Variants in PCDHGA3 observed in about 807,000 individuals in gnomAD.
PCDHGA3 encodes protocadherin gamma subfamily A, 3.
Under a neutral mutation model 58.5 loss-of-function variants are expected in PCDHGA3, and 40 were observed. The observed-to-expected ratio is 0.68, with a 90% confidence interval of 0.53 to 0.89. The LOEUF (loss-of-function observed/expected upper bound fraction) is 0.89. Among genes scored for constraint, PCDHGA3 ranks in the 40% least tolerant of loss-of-function variants. The probability of loss-of-function intolerance (pLI) is 0.00; values close to 1 mark genes in which losing one functional copy is unlikely to be tolerated. For missense variants in PCDHGA3, 1,223 were observed against 1,195.9 expected (o/e 1.02, Z -0.33); for synonymous variants, 530 against 525.7 (o/e 1.01, Z -0.11).
chr5:141,501,333 A>ACACACACC (rs1186649373), intron 2 of PCDHGA3, among the ~76,000 whole-genome samples: 1 of 140,020 alleles, frequency 7.1e-6, no homozygotes, highest in African/African-American at 2.6e-5. Context: ...ACACACACAC[A>ACACACACC]CCCCAAACTC....
chr5:141,500,497 C>T (rs1214550546), intron 2 of PCDHGA3, among the ~76,000 whole-genome samples: 1 of 152,174 alleles, frequency 6.6e-6, no homozygotes, highest in Non-Finnish European at 1.5e-5. Context: ...GCGTGAGCCA[C>T]CGCGCCTGGC....
intron 1 of PCDHGA3, chr5:141,417,612 T>C: frequency 1.6e-6 from 1 of 617,852 alleles, no homozygotes; most frequent in Non-Finnish European, 2.6e-6. Flanking sequence ...CGTCGGCCAG[T>C]GCAGAGCAAG....
chr5:141,447,058 G>A (rs1356080567), intron 1 of PCDHGA3, among the ~76,000 whole-genome samples: 1 of 152,068 alleles, frequency 6.6e-6, no homozygotes, highest in Non-Finnish European at 1.5e-5. Flanking sequence ...ATTAAAATGT[G>A]TCAGGCTGTT....
Position 141,345,153 on chromosome 5 carries a change from C to T in PCDHGA3, c.1120C>T (p.Arg374Ter). The T allele has an allele frequency of 6.2e-7, 1 of 1,613,942 alleles. No individual in the cohort carries two copies. Among genetic ancestry groups the T allele is most frequent in the Non-Finnish European group, 8.5e-7 (1 of 1,179,880 alleles). The change falls in exon 1 of 4, where the codon CGA becomes TGA. Residue 374 changes from arginine (R) to a stop codon, truncating the protein, a stop_gained. Transcript: ENST00000253812. LOFTEE classifies it high-confidence loss of function. ...REIALIDVHD[R>*]DSGQNGQVEV... is the part of the protein sequence containing the mutation. ...AATTGCTCTTATCGACGTGCATGACCGAGATTCTGGGCAGAATGGGCAGGT... is the reference window on the plus strand; with the variant it reads ...AATTGCTCTTATCGACGTGCATGACTGAGATTCTGGGCAGAATGGGCAGGT...
chr5:141,404,651 C>T, intron 1 of PCDHGA3: 2 of 1,614,184 alleles, frequency 1.2e-6, no homozygotes, highest in Non-Finnish European at 1.7e-6. Flanking sequence ...GTACCCTGCC[C>T]TCCCCACTGA....
intron 1 of PCDHGA3, chr5:141,352,417 T>G: frequency 6.2e-7 from 1 of 1,614,054 alleles, no homozygotes; most frequent in Non-Finnish European, 8.5e-7. Context: ...GCCTCGACAC[T>G]GAGGGCTGCT....
At chr5:141,390,423 C>A in intron 1 of PCDHGA3, 1 of 1,058,544 alleles carries the variant, frequency 9.4e-7, no homozygotes, top group Non-Finnish European at 1.3e-6. Context: ...AGTTAAAAAG[C>A]TGTCATATCA....
At chr5:141,349,850 G>GA (rs374639871) in intron 1 of PCDHGA3, among the ~76,000 whole-genome samples, 7 of 151,924 alleles carry the variant, frequency 4.6e-5, no homozygotes, top group Non-Finnish European at 1.0e-4. Flanking sequence ...TTTTTTAAAT[G>GA]AAAAAAGAAT....
Position 141,493,836 on chromosome 5 carries a change from A to G in PCDHGA3, c.2425-971A>G, listed in dbSNP as rs1411929024. Among the ~76,000 whole-genome samples the G allele has an allele frequency of 6.6e-6, 1 of 152,194 alleles. No individual in the cohort carries two copies. Among genetic ancestry groups the G allele is most frequent in the Non-Finnish European group, 1.5e-5 (1 of 68,038 alleles). On this transcript the variant is annotated intron_variant, in intron 1 of 3. Transcript: ENST00000253812. This position sits in a 1 kb window ranked among gnomAD's most constrained non-coding sequence, Gnocchi z 4.3. ...ACACTCTCTGCTTCTGGGAGCAAGT[A>G]TGAGTATTAATTACCAGCCCACCCC...
At position 141,430,895 on chromosome 5, in the gene PCDHGA3, G is replaced by A. The variant is rs775296800; in HGVS notation, c.2425-63912G>A. 6.9e-6 allele frequency: 11 copies of A among 1,605,692 alleles called. No individual in the cohort carries two copies. The Admixed American group carries it at 1.0e-4, about 15-fold the overall frequency. ...AGAGCTGGAGAAAGGCTCTAGGGTG[G>A]GCGACATCTCCAGGGACCTGGGGCT... On this transcript the variant is annotated intron_variant, in intron 1 of 3. Coordinates refer to ENST00000253812, the MANE Select transcript of PCDHGA3 (RefSeq NM_018916.4).
chr5:141,370,114 A>G (rs768527026), intron 1 of PCDHGA3: 72 of 376,222 alleles, frequency 1.9e-4, no homozygotes, highest in Non-Finnish European at 2.7e-4. Flanking sequence ...TCTCCTAACT[A>G]GCTCCTTATT....
intron 1 of PCDHGA3, among the ~76,000 whole-genome samples, chr5:141,381,033 C>G (rs191532708): frequency 2.0e-4 from 30 of 152,324 alleles, no homozygotes; most frequent in African/African-American, 7.2e-4. Flanking sequence ...TTCCTTTAAA[C>G]AAAATTTATC....
intron 1 of PCDHGA3, chr5:141,400,330 G>A (rs2094004189): frequency 6.2e-7 from 1 of 1,614,082 alleles, no homozygotes; most frequent in Admixed American, 1.7e-5. Flanking sequence ...TGGACCTGTG[G>A]TTCCCCCCAA....
intron 3 of PCDHGA3, 125 bp downstream of exon 3, chr5:141,505,606 C>G: frequency 6.5e-7 from 1 of 1,528,642 alleles, no homozygotes; most frequent in Non-Finnish European, 8.8e-7. Flanking sequence ...TTCGGCAGGT[C>G]TGAAAGGACC....
chr5:141,389,142 G>T (rs72790030), intron 1 of PCDHGA3: 5 of 1,613,968 alleles, frequency 3.1e-6, no homozygotes, highest in Non-Finnish European at 4.2e-6. Flanking sequence ...CAATATAACC[G>T]TTACGGCAAC....
chr5:141,360,275 T>C, intron 1 of PCDHGA3: 2 of 1,613,826 alleles, frequency 1.2e-6, no homozygotes, highest in South Asian at 1.1e-5. Context: ...AACTCGGTCG[T>C]AGGAAACCTC....
In PCDHGA3 at chr5:141,346,291, A is replaced by G. The variant is rs10069396; in HGVS notation, c.2258A>G (p.Tyr753Cys). ...GGGGTTCGGGCTTTCCTGCAGACCT[A>G]TTCCCACGAGGTCTCCCTCACTGCG... Reference protein sequence around the residue: ...ADGVRAFLQTYSHEVSLTADS... With the variant: ...ADGVRAFLQTCSHEVSLTADS... Residue 753 changes from tyrosine (Y) to cysteine (C), a missense_variant, in exon 1 of 4, where the codon TAT becomes TGT. Around this residue, in one of 3 missense-constraint regions of PCDHGA3, gnomAD observed 325 missense variants for 327.5 expected, o/e 0.99. Coordinates refer to ENST00000253812, the MANE Select transcript of PCDHGA3 (RefSeq NM_018916.4). The G allele has an allele frequency of 5.3e-4, 859 of 1,614,148 alleles. 3 individuals carry two copies. In the African/African-American group the frequency reaches 9.4e-3, roughly 18 times the overall value.
rs754610588 is a variant in PCDHGA3, at chr5:141,384,105, T to C, written c.2424+37648T>C. 31 of 1,601,620 alleles carry C rather than the reference T, an allele frequency of 1.9e-5. No individual in the cohort carries two copies. The East Asian group carries it at 2.5e-4, about 13-fold the overall frequency. ...TAGAAAAATCAATAGATAATTATTA[T>C]AGATTGGTCACAACCAAAAACTTGG... On this transcript the variant is annotated intron_variant, in intron 1 of 3. Transcript: ENST00000253812.
chr5:141,460,981 GTGTATATATA>G (rs1332002052), intron 1 of PCDHGA3, among the ~76,000 whole-genome samples: 6 of 121,884 alleles, frequency 4.9e-5, no homozygotes, highest in Non-Finnish European at 1.0e-4. Flanking sequence ...GTGTGTGTGT[GTGTATATATA>G]TATATGTGTA....
Sources: gnomAD v4.1 joint callset for allele counts (sites outside exome capture counted in the v4.1 genomes callset) on GRCh38, gnomAD v4.1.1 for gene constraint, gnomAD v4.1.1 regional missense constraint, Gnocchi (gnomAD v3.1) non-coding constraint, MANE v1.5 for transcripts, NCBI Gene and HGNC (gene_info 2026-07-23, HGNC 2026-07-21) for gene names.